Variants in NEDD4L observed in about 807,000 individuals in gnomAD.
NEDD4L encodes the protein E3 ubiquitin-protein ligase NEDD4-like.
NEDD4L carries 54 observed loss-of-function variants against 148.9 expected under a neutral mutation model. That is an observed-to-expected ratio of 0.36 (90% confidence interval 0.29 to 0.45). NEDD4L has a LOEUF of 0.45. Ranked by LOEUF, NEDD4L falls within the 20% of genes least tolerant of loss-of-function variation. NEDD4L has a pLI of 1.00. For missense variants in NEDD4L, 856 were observed against 1,233.8 expected (o/e 0.69, Z 4.59); for synonymous variants, 433 against 440.7 (o/e 0.98, Z 0.22).
In NEDD4L at chr18:58,373,077, TCTGCAC is replaced by T. The variant is rs2047108955; in HGVS notation, c.2257-96_2257-91del. The T allele has an allele frequency of 5.6e-6, 4 of 715,276 alleles. No homozygotes were observed. The East Asian group carries it at 1.1e-4, about 20-fold the overall frequency. 44.3% of individuals were successfully genotyped at this position (715,276 alleles called of 1,614,324 possible). On this transcript the variant is annotated intron_variant, in intron 23 of 30. Transcript: ENST00000400345. ...CATTAGTAACATATTTCTTGAGCAT[TCTGCAC>T]AGAATTACATTAGAATGTAATTAAA...
intron 5 of NEDD4L, among the ~76,000 whole-genome samples, chr18:58,304,172 A>C (rs2056809955): frequency 6.6e-6 from 1 of 152,116 alleles, no homozygotes; most frequent in Non-Finnish European, 1.5e-5. Context: ...CACGGAAAGA[A>C]TTATCTAGCT....
At chr18:58,076,638 G>A (rs2083172467) in intron 1 of NEDD4L, among the ~76,000 whole-genome samples, 1 of 152,100 alleles carries the variant, frequency 6.6e-6, no homozygotes, top group South Asian at 2.1e-4. Flanking sequence ...TCAGTGAGGT[G>A]AGCCTGTGTC....
chr18:58,354,558 G>T (rs528462046), intron 18 of NEDD4L, among the ~76,000 whole-genome samples: 3 of 151,968 alleles, frequency 2.0e-5, no homozygotes, highest in Non-Finnish European at 4.4e-5. Flanking sequence ...AAAAGCTTAG[G>T]CTCTTTTTAA....
At chr18:58,113,559 G>A (rs892037199) in intron 1 of NEDD4L, among the ~76,000 whole-genome samples, 1 of 152,166 alleles carries the variant, frequency 6.6e-6, no homozygotes, top group Non-Finnish European at 1.5e-5. Flanking sequence ...GCTGGAGGGG[G>A]TTTCCCAGGC....
At chr18:58,357,173 T>G in intron 18 of NEDD4L, 21 bp from the exon 19 acceptor site, 1 of 1,595,774 alleles carries the variant, frequency 6.3e-7, no homozygotes, top group South Asian at 1.1e-5. Context: ...GATTTTTTTT[T>G]TTTTTTTTTA....
intron 1 of NEDD4L, among the ~76,000 whole-genome samples, chr18:58,056,328 G>T (rs959136940): frequency 1.3e-5 from 2 of 152,210 alleles, no homozygotes; most frequent in African/African-American, 4.8e-5. Context: ...GAGTTGGTCT[G>T]TCTCAATTCG....
In NEDD4L at chr18:58,341,869, T is replaced by C. The variant is rs1427480551; in HGVS notation, c.1377+72T>C. On this transcript the variant is annotated intron_variant, in intron 15 of 30. Transcript: ENST00000400345. ...CCCATTCTTTCTTCTCTCTTAACTCTGCCTTCAGTTTCGCAGCCACCTCCT... is the reference window on the plus strand; with the variant it reads ...CCCATTCTTTCTTCTCTCTTAACTCCGCCTTCAGTTTCGCAGCCACCTCCT... 9 of 1,540,942 alleles carry C rather than the reference T, an allele frequency of 5.8e-6. No individual in the cohort carries two copies. In the African/African-American group the frequency reaches 1.2e-4, roughly 21 times the overall value.
At chr18:58,246,260 C>T (rs1042209573) in intron 3 of NEDD4L, among the ~76,000 whole-genome samples, 2 of 151,862 alleles carry the variant, frequency 1.3e-5, no homozygotes, top group African/African-American at 4.8e-5. Context: ...TGAAATGGAG[C>T]TGTTTGTGGA....
chr18:58,308,010 T>C (rs1439296281), intron 5 of NEDD4L, among the ~76,000 whole-genome samples: 1 of 152,214 alleles, frequency 6.6e-6, no homozygotes, highest in Non-Finnish European at 1.5e-5. Context: ...GAGACACTTA[T>C]CCTGGTAAAA....
rs1461832479 is a variant in NEDD4L, at chr18:58,192,442, A to G, written c.122+26581A>G. Among the ~76,000 whole-genome samples, 3 of 152,190 alleles carry G rather than the reference A, an allele frequency of 2.0e-5. 1 individual carries two copies. Among genetic ancestry groups the G allele is most frequent in the Non-Finnish European group, 4.4e-5 (3 of 68,042 alleles). On this transcript the variant is annotated intron_variant, in intron 2 of 30. Transcript: ENST00000400345. ...TAGGCTTCCTATTTTCTCAAAGGTT[A>G]AGATATTAAATTGTCTTAAGCAAAG...
chr18:58,278,355 C>G (rs1050431305), intron 5 of NEDD4L, among the ~76,000 whole-genome samples: 5 of 152,214 alleles, frequency 3.3e-5, no homozygotes, highest in Non-Finnish European at 5.9e-5. Flanking sequence ...CGTCCAGGCC[C>G]TGCCCCTCCT....
At chr18:58,297,308 G>A (rs768489818) in intron 5 of NEDD4L, among the ~76,000 whole-genome samples, 4 of 152,138 alleles carry the variant, frequency 2.6e-5, no homozygotes, top group African/African-American at 4.8e-5. Context: ...GCTTATGGAC[G>A]AGAGTGTCAA....
intron 5 of NEDD4L, among the ~76,000 whole-genome samples, chr18:58,274,471 A>G (rs2051563247): frequency 6.6e-6 from 1 of 152,236 alleles, no homozygotes; most frequent in African/African-American, 2.4e-5. Context: ...CAGGTTGTGT[A>G]GACCAAACAG....
intron 5 of NEDD4L, among the ~76,000 whole-genome samples, chr18:58,308,697 C>T (rs1327781097): frequency 2.6e-5 from 4 of 152,214 alleles, no homozygotes. Context: ...GTCCTGCACT[C>T]AGCACGAGTC....
chr18:58,137,865 C>G (rs988592725), intron 1 of NEDD4L, among the ~76,000 whole-genome samples: 54 of 152,204 alleles, frequency 3.5e-4, no homozygotes, highest in African/African-American at 1.3e-3. Context: ...TCCTGCCCAG[C>G]TTTGTCTTTT....
chr18:58,169,098 G>A (rs1342143240), intron 2 of NEDD4L, among the ~76,000 whole-genome samples: 1 of 152,218 alleles, frequency 6.6e-6, no homozygotes, highest in East Asian at 1.9e-4. Context: ...CCTAGCTGGA[G>A]GTGGCCCCTT....
chr18:58,269,149 C>G (rs1377144409), intron 5 of NEDD4L, among the ~76,000 whole-genome samples: 1 of 151,820 alleles, frequency 6.6e-6, no homozygotes, highest in African/African-American at 2.4e-5. Flanking sequence ...AAAACAGATG[C>G]AGGAAGACTT....
Position 58,141,404 on chromosome 18 carries a change from T to G in NEDD4L, c.49-24384T>G, listed in dbSNP as rs569402768. Among the ~76,000 whole-genome samples the G allele has an allele frequency of 2.7e-4, 41 of 152,254 alleles. 1 individual carries two copies. Among genetic ancestry groups the G allele is most frequent in the African/African-American group, 9.9e-4 (41 of 41,550 alleles). ...AGTCATTTTGAGTTACAGAATAAAATCAAACAAAATTCCTTTAATCACCAG... is the reference window on the plus strand; with the variant it reads ...AGTCATTTTGAGTTACAGAATAAAAGCAAACAAAATTCCTTTAATCACCAG... On this transcript the variant is annotated intron_variant, in intron 1 of 30. Coordinates refer to ENST00000400345, the MANE Select transcript of NEDD4L (RefSeq NM_001144967.3).
chr18:58,295,548 T>A (rs1014789497), intron 5 of NEDD4L, among the ~76,000 whole-genome samples: 1 of 152,230 alleles, frequency 6.6e-6, no homozygotes, highest in Non-Finnish European at 1.5e-5. Context: ...TTGGCAATTA[T>A]GAATAAAGCT....
Sources: gnomAD v4.1 joint callset for allele counts (sites outside exome capture counted in the v4.1 genomes callset) on GRCh38, gnomAD v4.1.1 for gene constraint, MANE v1.5 for transcripts, NCBI Gene and HGNC (gene_info 2026-07-23, HGNC 2026-07-21) for gene names.